KCND2: variants seen among roughly 807,000 people sequenced by gnomAD.
KCND2 encodes the protein potassium voltage-gated channel subfamily D member 2, also known as A-type voltage-gated potassium channel KCND2.
KCND2 carries 16 observed loss-of-function variants against 54.4 expected under a neutral mutation model. That is an observed-to-expected ratio of 0.29 (90% CI 0.20 to 0.45). The LOEUF is 0.45. Among genes scored for constraint, KCND2 ranks in the 20% least tolerant of loss-of-function variants. The pLI, the probability that KCND2 is intolerant of heterozygous loss-of-function variation, is 1.00. For synonymous variants in KCND2, 317 were observed against 310.7 expected, an observed-to-expected ratio of 1.02 and a Z score of -0.21; for missense variants, 486 against 824.2, an observed-to-expected ratio of 0.59 and a Z score of 5.02.
intron 1 of KCND2, among the ~76,000 whole-genome samples, chr7:120,614,824 CA>C (rs1793001443): frequency 6.6e-6 from 1 of 152,120 alleles, no homozygotes; most frequent in Non-Finnish European, 1.5e-5. Context: ...TAAGATAAAA[CA>C]AGAGACTTCA....
chr7:120,399,626 A>G (rs1801213848), intron 1 of KCND2, among the ~76,000 whole-genome samples: 1 of 151,496 alleles, frequency 6.6e-6, no homozygotes, highest in Admixed American at 6.6e-5. Context: ...TTTGTTTTTT[A>G]TAATGTTATT....
intron 1 of KCND2, among the ~76,000 whole-genome samples, chr7:120,422,568 A>G (rs550272631): frequency 7.9e-5 from 12 of 152,292 alleles, no homozygotes; most frequent in African/African-American, 2.6e-4. Context: ...TGCTGAAACT[A>G]TCCACTGGGA....
intron 1 of KCND2, among the ~76,000 whole-genome samples, chr7:120,296,172 A>G (rs888364262): frequency 6.6e-6 from 1 of 152,054 alleles, no homozygotes; most frequent in African/African-American, 2.4e-5. Context: ...TCCTTTTGGC[A>G]GGGTCAGGAT....
At chr7:120,702,756 G>A (rs1332187110) in intron 1 of KCND2, among the ~76,000 whole-genome samples, 2 of 152,064 alleles carry the variant, frequency 1.3e-5, no homozygotes, top group Non-Finnish European at 2.9e-5. Context: ...ACATAGAGGG[G>A]AACAACACAT....
At chr7:120,302,644 T>C (rs1799603765) in intron 1 of KCND2, among the ~76,000 whole-genome samples, 1 of 152,196 alleles carries the variant, frequency 6.6e-6, no homozygotes, top group Non-Finnish European at 1.5e-5. Context: ...GGTTAAAATG[T>C]TGGAATTTAA....
chr7:120,602,490 T>C (rs1265617518), intron 1 of KCND2, among the ~76,000 whole-genome samples: 1 of 152,232 alleles, frequency 6.6e-6, no homozygotes, highest in Non-Finnish European at 1.5e-5. Context: ...AAACCAGTTA[T>C]GGCGATGCTG....
chr7:120,423,289 A>G (rs529384291), intron 1 of KCND2, among the ~76,000 whole-genome samples: 6 of 152,282 alleles, frequency 3.9e-5, no homozygotes, highest in Admixed American at 3.9e-4. Context: ...CTCCAAATGT[A>G]TCTTTCACCC....
At chr7:120,517,846 A>G (rs1415461157) in intron 1 of KCND2, among the ~76,000 whole-genome samples, 1 of 152,134 alleles carries the variant, frequency 6.6e-6, no homozygotes, top group African/African-American at 2.4e-5. Context: ...TATTCTCCTT[A>G]CCTGAAAGCA....
At chr7:120,688,597 C>G (rs752553886) in intron 1 of KCND2, among the ~76,000 whole-genome samples, 57 of 152,160 alleles carry the variant, frequency 3.7e-4, no homozygotes, top group Non-Finnish European at 6.8e-4. Context: ...TTCTGAACAG[C>G]AAATTAAGCT....
intron 1 of KCND2, among the ~76,000 whole-genome samples, chr7:120,396,304 T>C (rs184986926): frequency 5.1e-4 from 77 of 152,138 alleles, no homozygotes; most frequent in Admixed American, 2.5e-3. Flanking sequence ...TCTGTAGAAC[T>C]TCACAGAATC....
chr7:120,456,761 G>C (rs1343416309), intron 1 of KCND2, among the ~76,000 whole-genome samples: 1 of 152,108 alleles, frequency 6.6e-6, no homozygotes, highest in Admixed American at 6.5e-5. Flanking sequence ...ACCATTCTAG[G>C]GTCTGTAGGA....
chr7:120,559,062 T>C (rs1343250965), intron 1 of KCND2, among the ~76,000 whole-genome samples: 1 of 151,800 alleles, frequency 6.6e-6, no homozygotes, highest in African/African-American at 2.4e-5. Context: ...TGTATGTGCA[T>C]TACTGACAAG....
chr7:120,484,070 A>C (rs372479901), intron 1 of KCND2, among the ~76,000 whole-genome samples: 1 of 152,162 alleles, frequency 6.6e-6, no homozygotes, highest in African/African-American at 2.4e-5. Flanking sequence ...GATGAGGAGC[A>C]AGATCCTGGA....
At chr7:120,519,689 T>TCA (rs1327011743) in intron 1 of KCND2, among the ~76,000 whole-genome samples, 2 of 152,156 alleles carry the variant, frequency 1.3e-5, no homozygotes, top group East Asian at 3.9e-4. Context: ...TAATTATATA[T>TCA]ATTTCCCCAA....
At chr7:120,441,802 A>G (rs577617576) in intron 1 of KCND2, among the ~76,000 whole-genome samples, 1 of 152,172 alleles carries the variant, frequency 6.6e-6, no homozygotes, top group South Asian at 2.1e-4. Flanking sequence ...AATGTGCTTA[A>G]AATTTATGGT....
At chr7:120,286,466 A>G (rs1799345961) in intron 1 of KCND2, among the ~76,000 whole-genome samples, 1 of 151,980 alleles carries the variant, frequency 6.6e-6, no homozygotes, top group African/African-American at 2.4e-5. Flanking sequence ...ACTTTGCAAA[A>G]TAACATTACA....
intron 1 of KCND2, among the ~76,000 whole-genome samples, chr7:120,551,500 A>G (rs1444317810): frequency 6.6e-6 from 1 of 152,168 alleles, no homozygotes; most frequent in East Asian, 1.9e-4. Flanking sequence ...TGGTAGTGAC[A>G]TTGTACCTCT....
At chr7:120,389,177 A>G (rs1050500602) in intron 1 of KCND2, among the ~76,000 whole-genome samples, 3 of 151,910 alleles carry the variant, frequency 2.0e-5, no homozygotes, top group Non-Finnish European at 4.4e-5. Flanking sequence ...TTTTGGTAGG[A>G]TAGGCTTACT....
intron 1 of KCND2, among the ~76,000 whole-genome samples, chr7:120,594,742 C>A (rs1465961288): frequency 6.6e-6 from 1 of 152,172 alleles, no homozygotes; most frequent in Non-Finnish European, 1.5e-5. Context: ...AGACTGGAAG[C>A]CGGGTACTGT....
Sources: gnomAD v4.1 joint callset for allele counts (sites outside exome capture counted in the v4.1 genomes callset) on GRCh38, gnomAD v4.1.1 for gene constraint, MANE v1.5 for transcripts, NCBI Gene and HGNC (gene_info 2026-07-23, HGNC 2026-07-21) for gene names.